Variants in MVB12B observed in about 807,000 individuals in gnomAD.
MVB12B encodes multivesicular body subunit 12B, also known as ESCRT-I complex subunit MVB12B.
Under a neutral mutation model 41.6 loss-of-function variants are expected in MVB12B, and 16 were observed. That is an observed-to-expected ratio of 0.38 (90% CI 0.26 to 0.58). MVB12B has a LOEUF of 0.58. MVB12B is among the 20% of genes least tolerant of loss of function. MVB12B has a pLI of 0.62. For synonymous variants in MVB12B, 133 were observed against 139.7 expected, an observed-to-expected ratio of 0.95 and a Z score of 0.34; for missense variants, 274 against 380.2, an observed-to-expected ratio of 0.72 and a Z score of 2.32.
chr9:126,445,190 T>C (rs1490325010), intron 7 of MVB12B, among the ~76,000 whole-genome samples: 1 of 152,226 alleles, frequency 6.6e-6, no homozygotes. Context: ...GATATAACTC[T>C]CTATTCAAAT....
intron 6 of MVB12B, among the ~76,000 whole-genome samples, chr9:126,404,104 C>A (rs1831348645): frequency 6.6e-6 from 1 of 151,972 alleles, no homozygotes; most frequent in African/African-American, 2.4e-5. Context: ...CAAACATGTG[C>A]CACCACGCCT....
chr9:126,375,013 A>C (rs546013944), intron 2 of MVB12B, among the ~76,000 whole-genome samples: 1 of 152,036 alleles, frequency 6.6e-6, no homozygotes, highest in Admixed American at 6.5e-5. Context: ...AGAGGCATTT[A>C]TTTTCCACTT....
intron 6 of MVB12B, among the ~76,000 whole-genome samples, chr9:126,400,316 G>A (rs1831232947): frequency 6.6e-6 from 1 of 152,152 alleles, no homozygotes; most frequent in African/African-American, 2.4e-5. Flanking sequence ...GTTACAAGGA[G>A]ATAGATTTAG....
chr9:126,404,967 A>G (rs770228975), intron 6 of MVB12B, among the ~76,000 whole-genome samples: 1 of 152,218 alleles, frequency 6.6e-6, no homozygotes. Flanking sequence ...ATTAGAATGC[A>G]GTTCGGTATT....
chr9:126,441,478 C>T lies in MVB12B; in HGVS notation c.757+19530C>T, dbSNP rs75348622. On this transcript the variant is annotated intron_variant, in intron 7 of 9. Transcript: ENST00000361171. ...TGATTAATCAGACCTAATTTGCATT[C>T]GCAAATGAGACTGATAAAAATGGAT... Among the ~76,000 whole-genome samples the T allele has an allele frequency of 5.4e-3, 821 of 152,290 alleles. 7 individuals carry two copies. The highest frequency in any genetic ancestry group is 0.017 in the African/African-American group (716 of 41,550).
chr9:126,483,788 T>C (rs1833575715), intron 8 of MVB12B, among the ~76,000 whole-genome samples, 185 bp from the exon 9 acceptor site: 1 of 152,152 alleles, frequency 6.6e-6, no homozygotes, highest in African/African-American at 2.4e-5. Flanking sequence ...GCAGGCTCTA[T>C]CATCACTTCT....
At chr9:126,410,384 C>G (rs1235501733) in intron 6 of MVB12B, among the ~76,000 whole-genome samples, 1 of 152,166 alleles carries the variant, frequency 6.6e-6, no homozygotes, top group Non-Finnish European at 1.5e-5. Flanking sequence ...AACGCACATC[C>G]TAGCCCAGCC....
chr9:126,331,366 G>GT (rs1454689033), intron 1 of MVB12B, among the ~76,000 whole-genome samples: 2 of 152,238 alleles, frequency 1.3e-5, no homozygotes, highest in African/African-American at 4.8e-5. Context: ...CTAGTGGCAA[G>GT]TGATGTTGAG....
Position 126,392,148 on chromosome 9 carries a change from G to T in MVB12B, c.492G>T (p.Arg164=). The part of the protein sequence containing the change: ...DSTEAAICDI[R]IMGRTKQAPP... ...CGGAAGCTGCGATTTGTGACATTCG[G>T]ATCATGGGCCGGACCAAGCAGGCCC... Residue 164 remains arginine, a synonymous_variant, in exon 5 of 10, where the codon CGG becomes CGT. Coordinates refer to ENST00000361171, the MANE Select transcript of MVB12B (RefSeq NM_033446.3). This position sits in a 1 kb window ranked among gnomAD's most constrained non-coding sequence, Gnocchi z 4.8. 1 of 1,614,194 alleles carries T rather than the reference G, an allele frequency of 6.2e-7. No homozygotes were observed. The highest frequency in any genetic ancestry group is 8.5e-7 in the Non-Finnish European group (1 of 1,180,040).
chr9:126,452,957 T>C (rs1588184838), intron 7 of MVB12B, among the ~76,000 whole-genome samples: 1 of 152,108 alleles, frequency 6.6e-6, no homozygotes, highest in East Asian at 1.9e-4. Flanking sequence ...ATAGTGGCTG[T>C]AGGACAATGA....
At position 126,391,616 on chromosome 9, in the gene MVB12B, T is replaced by C. The variant is rs557928864; in HGVS notation, c.410-450T>C. On this transcript the variant is annotated intron_variant, in intron 4 of 9. Coordinates refer to ENST00000361171, the MANE Select transcript of MVB12B (RefSeq NM_033446.3). The surrounding 1 kb of genome is among the most constrained non-coding windows in gnomAD (Gnocchi z 4.4). ...GGAGGAGAGGAAACCAGCTTGTCCA[T>C]TGTGCACAGCATTGACACTGGGTGA... Among the ~76,000 whole-genome samples, 1 of 152,308 alleles carries C rather than the reference T, an allele frequency of 6.6e-6. No individual in the cohort carries two copies. Among genetic ancestry groups the C allele is most frequent in the East Asian group, 1.9e-4 (1 of 5,192 alleles).
chr9:126,419,617 T>C (rs1250538441), intron 6 of MVB12B, among the ~76,000 whole-genome samples: 1 of 152,156 alleles, frequency 6.6e-6, no homozygotes, highest in Non-Finnish European at 1.5e-5. Context: ...CCACAGTCGA[T>C]AATTCACTCT....
intron 2 of MVB12B, among the ~76,000 whole-genome samples, chr9:126,355,729 G>A (rs1829863536): frequency 1.3e-5 from 2 of 152,152 alleles, no homozygotes; most frequent in Non-Finnish European, 2.9e-5. Flanking sequence ...CACTGTTTCA[G>A]TGATTGCAGG....
At chr9:126,379,453 A>T (rs1182592004) in intron 2 of MVB12B, among the ~76,000 whole-genome samples, 1 of 151,846 alleles carries the variant, frequency 6.6e-6, no homozygotes, top group African/African-American at 2.4e-5. Flanking sequence ...TTCCCTAGAA[A>T]CTCTATGTGT....
intron 7 of MVB12B, among the ~76,000 whole-genome samples, chr9:126,453,630 A>G (rs1832922368): frequency 6.6e-6 from 1 of 152,042 alleles, no homozygotes; most frequent in Admixed American, 6.5e-5. Flanking sequence ...CTTTCTTCTC[A>G]CTATGCCCCT....
intron 3 of MVB12B, among the ~76,000 whole-genome samples, chr9:126,383,620 C>T (rs1830692686): frequency 6.6e-6 from 1 of 152,050 alleles, no homozygotes; most frequent in African/African-American, 2.4e-5. Context: ...GGGCTTTTGG[C>T]ATGAATCATT....
chr9:126,402,896 C>T (rs978025187), intron 6 of MVB12B, among the ~76,000 whole-genome samples: 2 of 152,218 alleles, frequency 1.3e-5, no homozygotes, highest in Non-Finnish European at 2.9e-5. Flanking sequence ...ACACAAGGAG[C>T]ACGGACGTCA....
At chr9:126,502,317 C>T (rs1216473803) in intron 9 of MVB12B, among the ~76,000 whole-genome samples, 1 of 148,118 alleles carries the variant, frequency 6.8e-6, no homozygotes. Context: ...GCCCACATGC[C>T]CTGCCTTATG....
chr9:126,467,798 A>G (rs756896426), intron 7 of MVB12B, among the ~76,000 whole-genome samples: 1 of 152,150 alleles, frequency 6.6e-6, no homozygotes, highest in Non-Finnish European at 1.5e-5. Flanking sequence ...TGGCACAACA[A>G]GATGTTCCTG....
Sources: gnomAD v4.1 joint callset for allele counts (sites outside exome capture counted in the v4.1 genomes callset) on GRCh38, gnomAD v4.1.1 for gene constraint, Gnocchi (gnomAD v3.1) non-coding constraint, MANE v1.5 for transcripts, NCBI Gene and HGNC (gene_info 2026-07-23, HGNC 2026-07-21) for gene names.